LARGE1: variants seen among roughly 807,000 people sequenced by gnomAD.
The protein encoded by LARGE1 is xylosyl- and glucuronyltransferase LARGE1.
A neutral mutation model predicts 87.6 loss-of-function variants in LARGE1; 43 were observed. The ratio of observed to expected loss-of-function variants is 0.49; its 90% CI spans 0.38 to 0.63. The LOEUF (loss-of-function observed/expected upper bound fraction) is 0.63, where lower values mean the gene tolerates loss of function less well. Among genes scored for constraint, LARGE1 ranks in the 30% least tolerant of loss-of-function variants. The pLI is 0.00. For synonymous variants in LARGE1, 434 were observed against 394.6 expected (o/e 1.10, Z -1.18); for missense variants, 802 against 1,000.2 (o/e 0.80, Z 2.67).
chr22:33,458,563 T>C (rs1016961775), intron 6 of LARGE1, among the ~76,000 whole-genome samples: 1 of 152,076 alleles, frequency 6.6e-6, no homozygotes, highest in African/African-American at 2.4e-5. Flanking sequence ...GTAGCTGGGA[T>C]TACAGGCATG....
At chr22:33,482,481 T>C (rs1414050607) in intron 6 of LARGE1, among the ~76,000 whole-genome samples, 2 of 152,172 alleles carry the variant, frequency 1.3e-5, no homozygotes, top group South Asian at 2.1e-4. Flanking sequence ...GGAAAACTAC[T>C]TCCTGCATGT....
chr22:33,193,890 A>ATTATATATG (rs1338116116), intron 11 of LARGE1, among the ~76,000 whole-genome samples: 4,325 of 147,524 alleles, frequency 0.029, 88 homozygotes, highest in Admixed American at 0.054. Context: ...TGTTTTATAT[A>ATTATATATG]TTATATATGT....
chr22:33,545,219 T>C (rs1471018592), intron 6 of LARGE1, among the ~76,000 whole-genome samples: 2 of 152,042 alleles, frequency 1.3e-5, no homozygotes, highest in Non-Finnish European at 2.9e-5. Context: ...CAAATCTTTT[T>C]TCTTTTGTAC....
chr22:33,574,687 TGTGTGTGTGTGTGTGTG>T (rs1483592739), intron 5 of LARGE1, among the ~76,000 whole-genome samples: 6 of 176 alleles, frequency 0.034, no homozygotes, highest in African/African-American at 0.1. Flanking sequence ...TATAAACAAT[TGTGTGTGTGTGTGTGTG>T]TGTGTGTGTG....
intron 5 of LARGE1, among the ~76,000 whole-genome samples, chr22:33,600,233 A>AT (rs1378999259): frequency 6.6e-6 from 1 of 152,206 alleles, no homozygotes; most frequent in Non-Finnish European, 1.5e-5. Context: ...CATCTTTATA[A>AT]GCCAGTCATT....
At chr22:33,591,583 T>C (rs1252933390) in intron 5 of LARGE1, among the ~76,000 whole-genome samples, 5 of 152,210 alleles carry the variant, frequency 3.3e-5, no homozygotes, top group Non-Finnish European at 5.9e-5. Flanking sequence ...TGGCAAATTC[T>C]TTCTTTCAGT....
At chr22:33,348,283 C>G (rs1286622447) in intron 9 of LARGE1, among the ~76,000 whole-genome samples, 2 of 130,246 alleles carry the variant, frequency 1.5e-5, no homozygotes, top group South Asian at 3.3e-4. Context: ...CCCACCCACC[C>G]CCCCCCAAAA....
chr22:33,357,468 T>C (rs1941003079), intron 9 of LARGE1, among the ~76,000 whole-genome samples: 2 of 152,178 alleles, frequency 1.3e-5, no homozygotes, highest in South Asian at 4.1e-4. Flanking sequence ...AATATATCCA[T>C]GTAACAAAAC....
the LARGE1 span, among the ~76,000 whole-genome samples, chr22:33,100,631 C>T: frequency 6.6e-6 from 1 of 152,050 alleles, no homozygotes; most frequent in Admixed American, 6.6e-5. Flanking sequence ...TACCTCGTGA[C>T]CTTGTCAAAA....
chr22:33,249,251 G>T (rs1926906655), intron 11 of LARGE1, among the ~76,000 whole-genome samples: 1 of 152,134 alleles, frequency 6.6e-6, no homozygotes. Flanking sequence ...GCTGTGTAGT[G>T]GCATATCATT....
intron 9 of LARGE1, among the ~76,000 whole-genome samples, chr22:33,363,942 G>A (rs1207362550): frequency 6.7e-6 from 1 of 149,692 alleles, no homozygotes; most frequent in Non-Finnish European, 1.5e-5. Flanking sequence ...GACCCTCTGG[G>A]TCCTCTTGGT....
At chr22:33,782,328 GAAT>G (rs1334525924) in intron 1 of LARGE1, among the ~76,000 whole-genome samples, 1 of 152,170 alleles carries the variant, frequency 6.6e-6, no homozygotes, top group African/African-American at 2.4e-5. Flanking sequence ...TCAGGAGCTA[GAAT>G]AAGAGGAGAG....
chr22:33,900,736 A>T (rs2065260046), intron 1 of LARGE1, among the ~76,000 whole-genome samples: 1 of 152,220 alleles, frequency 6.6e-6, no homozygotes, highest in African/African-American at 2.4e-5. Context: ...AATCCAATAT[A>T]ACTGCTGTCC....
intron 11 of LARGE1, among the ~76,000 whole-genome samples, chr22:33,178,417 T>G (rs1232897816): frequency 1.3e-5 from 2 of 152,028 alleles, no homozygotes; most frequent in African/African-American, 4.8e-5. Context: ...CCTGTGAAGG[T>G]GATACTCATG....
chr22:33,477,625 C>T (rs906132234), intron 6 of LARGE1, among the ~76,000 whole-genome samples: 13 of 152,140 alleles, frequency 8.5e-5, no homozygotes, highest in African/African-American at 2.7e-4. Flanking sequence ...CCCCCACGTT[C>T]GCCACAAAAT....
At chr22:33,100,615 A>G in the LARGE1 span, among the ~76,000 whole-genome samples, 1 of 152,134 alleles carries the variant, frequency 6.6e-6, no homozygotes, top group Non-Finnish European at 1.5e-5. Context: ...TAATGTGTAC[A>G]TGTATTACCT....
chr22:33,589,407 G>C (rs2078772009), intron 5 of LARGE1, among the ~76,000 whole-genome samples: 1 of 151,960 alleles, frequency 6.6e-6, no homozygotes, highest in Admixed American at 6.6e-5. Flanking sequence ...TTTACTCATT[G>C]TTCTGTTTAT....
chr22:33,910,884 C>T (rs2065617135), intron 1 of LARGE1, among the ~76,000 whole-genome samples: 1 of 152,130 alleles, frequency 6.6e-6, no homozygotes, highest in Admixed American at 6.5e-5. Flanking sequence ...GGAAATACAG[C>T]GAGGTCAGAG....
At chr22:33,788,909 A>C (rs2085734264) in intron 1 of LARGE1, among the ~76,000 whole-genome samples, 1 of 152,216 alleles carries the variant, frequency 6.6e-6, no homozygotes, top group South Asian at 2.1e-4. Flanking sequence ...GCAAAGCATA[A>C]AAGTTTTGAA....
Sources: allele counts gnomAD v4.1 joint callset (sites outside exome capture counted in the v4.1 genomes callset), GRCh38; gene constraint gnomAD v4.1.1; transcripts MANE v1.5; gene names NCBI Gene and HGNC (gene_info 2026-07-23, HGNC 2026-07-21).